PPARGC1A: variants seen among roughly 807,000 people sequenced by gnomAD.
The protein encoded by PPARGC1A is peroxisome proliferator-activated receptor gamma coactivator 1-alpha.
In PPARGC1A, 25 loss-of-function variants were observed where a neutral mutation model predicts 88.7. That is an observed-to-expected ratio of 0.28 (90% CI 0.21 to 0.39). The LOEUF is 0.39. Among genes scored for constraint, PPARGC1A ranks in the 10% least tolerant of loss-of-function variants. The pLI is 1.00. For synonymous variants in PPARGC1A, 363 were observed against 355.6 expected, an observed-to-expected ratio of 1.02 and a Z score of -0.24; for missense variants, 880 against 968.7, an observed-to-expected ratio of 0.91 and a Z score of 1.22.
At chr4:24,442,470 A>G in the PPARGC1A span, among the ~76,000 whole-genome samples, 4 of 152,244 alleles carry the variant, frequency 2.6e-5, no homozygotes, top group Admixed American at 2.6e-4. Context: ...AAAAGGTCTC[A>G]TAGAAACCCC....
At chr4:24,039,441 TA>T in the PPARGC1A span, among the ~76,000 whole-genome samples, 164 of 152,284 alleles carry the variant, frequency 1.1e-3, 1 homozygote, top group Middle Eastern at 3.4e-3. Flanking sequence ...CCCTTCTGGA[TA>T]GTTCTAGAAT....
At chr4:24,198,059 T>C in the PPARGC1A span, among the ~76,000 whole-genome samples, 12 of 152,290 alleles carry the variant, frequency 7.9e-5, no homozygotes, top group South Asian at 2.3e-3. Context: ...CTTCACTTCA[T>C]ACTTCTCAGT....
intron 10 of PPARGC1A, among the ~76,000 whole-genome samples, chr4:23,809,041 C>T (rs1182849160): frequency 6.6e-6 from 1 of 151,886 alleles, no homozygotes; most frequent in African/African-American, 2.4e-5. Context: ...ACACTGACCC[C>T]AAGATATCTT....
chr4:24,361,509 CTT>C, the PPARGC1A span, among the ~76,000 whole-genome samples: 1 of 152,186 alleles, frequency 6.6e-6, no homozygotes, highest in East Asian at 1.9e-4. Flanking sequence ...CTCTCTGCCT[CTT>C]TCTCTCTCTC....
the PPARGC1A span, among the ~76,000 whole-genome samples, chr4:24,199,700 G>A: frequency 6.6e-6 from 1 of 152,178 alleles, no homozygotes; most frequent in Non-Finnish European, 1.5e-5. Context: ...AAAAGTGTAA[G>A]GCTCTGATGA....
intron 2 of PPARGC1A, among the ~76,000 whole-genome samples, chr4:23,844,727 TAA>T (rs1491244885): frequency 2.0e-4 from 19 of 95,734 alleles, no homozygotes; most frequent in African/African-American, 8.5e-4. Flanking sequence ...TATATTATTA[TAA>T]TATATGATAT....
the PPARGC1A span, among the ~76,000 whole-genome samples, chr4:24,315,966 T>C: frequency 6.6e-6 from 1 of 152,312 alleles, no homozygotes; most frequent in East Asian, 1.9e-4. Flanking sequence ...AGTTTTGGCC[T>C]GCTTGAAGAG....
the PPARGC1A span, among the ~76,000 whole-genome samples, chr4:24,022,867 C>T: frequency 0.93 from 141,907 of 152,258 alleles, 66,180 homozygotes; most frequent in Admixed American, 0.95. Context: ...GTTTGTTAAC[C>T]GTATCAGAAC....
At chr4:23,972,942 C>T in the PPARGC1A span, among the ~76,000 whole-genome samples, 1 of 152,142 alleles carries the variant, frequency 6.6e-6, no homozygotes, top group Admixed American at 6.6e-5. Context: ...CCTATGTGTG[C>T]CAGTGATGTT....
At chr4:24,262,125 C>T in the PPARGC1A span, among the ~76,000 whole-genome samples, 1 of 152,144 alleles carries the variant, frequency 6.6e-6, no homozygotes, top group Non-Finnish European at 1.5e-5. Context: ...CCACGCACCC[C>T]CCGCCCCATA....
chr4:24,289,219 C>CAAA, the PPARGC1A span, among the ~76,000 whole-genome samples: 868 of 82,644 alleles, frequency 0.011, 36 homozygotes, highest in African/African-American at 0.033. Flanking sequence ...GACTCCGTCT[C>CAAA]AAAAAAAAAA....
At chr4:23,990,460 C>A in the PPARGC1A span, among the ~76,000 whole-genome samples, 1 of 151,996 alleles carries the variant, frequency 6.6e-6, no homozygotes. Context: ...AGATTGTGTT[C>A]TTACAGTAAT....
chr4:24,258,885 T>C, the PPARGC1A span, among the ~76,000 whole-genome samples: 1 of 152,224 alleles, frequency 6.6e-6, no homozygotes, highest in Admixed American at 6.5e-5. Flanking sequence ...AATCAGTATT[T>C]ATTGAGTTCT....
chr4:24,287,309 C>A, the PPARGC1A span, among the ~76,000 whole-genome samples: 7 of 152,100 alleles, frequency 4.6e-5, no homozygotes, highest in Non-Finnish European at 8.8e-5. Flanking sequence ...ATCTCACACT[C>A]AAAGGCATGA....
At chr4:23,815,971 T>C (rs1721917247) in intron 7 of PPARGC1A, among the ~76,000 whole-genome samples, 1 of 152,156 alleles carries the variant, frequency 6.6e-6, no homozygotes, top group South Asian at 2.1e-4. Context: ...CATGAGATTT[T>C]GATATGAACA....
the PPARGC1A span, among the ~76,000 whole-genome samples, chr4:24,109,017 C>G: frequency 1.3e-5 from 2 of 149,162 alleles, no homozygotes. Flanking sequence ...CACACACACA[C>G]ACCACACACA....
the PPARGC1A span, among the ~76,000 whole-genome samples, chr4:24,135,448 G>A: frequency 5.3e-5 from 8 of 151,976 alleles, no homozygotes; most frequent in East Asian, 1.9e-4. Context: ...AGGCCCCTGA[G>A]GTTCCCTTCC....
At chr4:24,353,530 C>T in the PPARGC1A span, among the ~76,000 whole-genome samples, 87 of 152,260 alleles carry the variant, frequency 5.7e-4, no homozygotes, top group African/African-American at 2.0e-3. Context: ...TTCAGATTTC[C>T]CGATTCCTAA....
the PPARGC1A span, among the ~76,000 whole-genome samples, chr4:23,999,837 C>T: frequency 2.6e-5 from 4 of 152,146 alleles, no homozygotes; most frequent in Non-Finnish European, 4.4e-5. Context: ...GCAGCCGCCC[C>T]TCTGGAATGA....
Sources: gnomAD v4.1 joint callset for allele counts (sites outside exome capture counted in the v4.1 genomes callset) on GRCh38, gnomAD v4.1.1 for gene constraint, MANE v1.5 for transcripts, NCBI Gene and HGNC (gene_info 2026-07-23, HGNC 2026-07-21) for gene names.